MAML3: variants seen among roughly 807,000 people sequenced by gnomAD.
MAML3 encodes mastermind-like protein 3.
A neutral mutation model predicts 101.9 loss-of-function variants in MAML3; 27 were observed. The ratio of observed to expected loss-of-function variants is 0.27; its 90% CI spans 0.20 to 0.37. The LOEUF is 0.37. Among genes scored for constraint, MAML3 ranks in the 10% least tolerant of loss-of-function variants. The pLI is 1.00. For missense variants in MAML3, 1,316 were observed against 1,444.9 expected, an observed-to-expected ratio of 0.91 and a Z score of 1.45; for synonymous variants, 501 against 555.9, an observed-to-expected ratio of 0.90 and a Z score of 1.39.
intron 1 of MAML3, among the ~76,000 whole-genome samples, chr4:140,071,809 T>A (rs1727661097): frequency 6.8e-6 from 1 of 147,042 alleles, no homozygotes. Context: ...CTGCTTTATG[T>A]TCTCAGTGAC....
intron 1 of MAML3, among the ~76,000 whole-genome samples, chr4:140,140,192 C>A (rs1399397364): frequency 6.6e-6 from 1 of 152,060 alleles, no homozygotes; most frequent in East Asian, 1.9e-4. Flanking sequence ...GGCATGGTGG[C>A]ACGCACCTGT....
At chr4:139,844,851 A>G (rs1234140560) in intron 2 of MAML3, among the ~76,000 whole-genome samples, 1 of 152,262 alleles carries the variant, frequency 6.6e-6, no homozygotes, top group African/African-American at 2.4e-5. Flanking sequence ...GCTGCTGTCC[A>G]GATGCCAGAG....
intron 2 of MAML3, among the ~76,000 whole-genome samples, chr4:139,766,215 A>C (rs1266833601): frequency 1.3e-5 from 2 of 151,884 alleles, no homozygotes; most frequent in African/African-American, 4.8e-5. Context: ...TCTGTCACCC[A>C]GGCTGGAGTG....
intron 1 of MAML3, among the ~76,000 whole-genome samples, chr4:140,001,213 T>G (rs1734918736): frequency 6.6e-6 from 1 of 152,212 alleles, no homozygotes; most frequent in Non-Finnish European, 1.5e-5. Flanking sequence ...CATGAGCAGT[T>G]GCAGTTTTAG....
At chr4:139,805,613 A>G (rs1301264172) in intron 2 of MAML3, among the ~76,000 whole-genome samples, 1 of 152,240 alleles carries the variant, frequency 6.6e-6, no homozygotes, top group Non-Finnish European at 1.5e-5. Flanking sequence ...GAATGGAGAT[A>G]TAGTTCTTAT....
At chr4:140,065,329 G>A (rs1037686896) in intron 1 of MAML3, among the ~76,000 whole-genome samples, 2 of 151,444 alleles carry the variant, frequency 1.3e-5, no homozygotes, top group Middle Eastern at 3.4e-3. Context: ...GGTAGAAGCC[G>A]ATCTCTCTAG....
intron 2 of MAML3, among the ~76,000 whole-genome samples, chr4:139,834,599 G>A (rs547183769): frequency 1.3e-5 from 2 of 152,224 alleles, no homozygotes; most frequent in East Asian, 1.9e-4. Flanking sequence ...AAGTTCCAAA[G>A]TGATGCTGAT....
intron 1 of MAML3, among the ~76,000 whole-genome samples, chr4:139,938,345 G>T (rs2110735159): frequency 6.6e-6 from 1 of 152,236 alleles, no homozygotes; most frequent in East Asian, 1.9e-4. Flanking sequence ...TTACAGAAAA[G>T]GACACTAAGA....
chr4:139,886,784 T>C (rs193035913), intron 2 of MAML3, among the ~76,000 whole-genome samples: 26 of 152,346 alleles, frequency 1.7e-4, no homozygotes, highest in Non-Finnish European at 3.1e-4. Flanking sequence ...AATTACTAGA[T>C]AAAACACATT....
At chr4:139,749,629 C>T (rs1409489476) in intron 2 of MAML3, among the ~76,000 whole-genome samples, 1 of 152,172 alleles carries the variant, frequency 6.6e-6, no homozygotes, top group African/African-American at 2.4e-5. Flanking sequence ...GACATGGAGG[C>T]CACATTTGTG....
At chr4:140,147,239 G>A (rs780405586) in intron 1 of MAML3, among the ~76,000 whole-genome samples, 6 of 151,910 alleles carry the variant, frequency 3.9e-5, no homozygotes, top group East Asian at 1.9e-4. Flanking sequence ...ATGCAAGAGC[G>A]TGATTTAGTA....
chr4:139,969,638 A>G (rs1273098167), intron 1 of MAML3, among the ~76,000 whole-genome samples: 1 of 152,200 alleles, frequency 6.6e-6, no homozygotes, highest in East Asian at 1.9e-4. Context: ...TTTTATGTTA[A>G]TATTCCTTAA....
chr4:139,955,937 C>T (rs138153283), intron 1 of MAML3, among the ~76,000 whole-genome samples: 4 of 152,268 alleles, frequency 2.6e-5, no homozygotes, highest in African/African-American at 7.2e-5. Context: ...TCTTCCCCTA[C>T]GAACGTGAAT....
chr4:139,733,303 T>C (rs1728796897), intron 2 of MAML3, among the ~76,000 whole-genome samples: 1 of 152,186 alleles, frequency 6.6e-6, no homozygotes. Flanking sequence ...AGATAAAGTT[T>C]TCTTCAGCTT....
intron 1 of MAML3, among the ~76,000 whole-genome samples, chr4:140,058,586 T>G (rs1727392483): frequency 6.9e-6 from 1 of 145,220 alleles, no homozygotes. Context: ...ATATATGGCA[T>G]TATTGTTAAT....
intron 1 of MAML3, among the ~76,000 whole-genome samples, chr4:140,006,535 G>A (rs1726450205): frequency 6.8e-6 from 1 of 147,454 alleles, no homozygotes; most frequent in African/African-American, 2.5e-5. Context: ...TCAGTGAGCC[G>A]AGATGGCGCC....
intron 1 of MAML3, among the ~76,000 whole-genome samples, chr4:139,947,583 A>T (rs963279307): frequency 1.6e-4 from 24 of 152,292 alleles, no homozygotes; most frequent in Admixed American, 1.6e-3. Flanking sequence ...AAGCACCCAC[A>T]TGTCCCTAGC....
chr4:139,925,138 C>T (rs1056013940), intron 1 of MAML3, among the ~76,000 whole-genome samples: 3 of 152,100 alleles, frequency 2.0e-5, no homozygotes, highest in Non-Finnish European at 4.4e-5. Context: ...TAGAGAGGTT[C>T]CTTTTTCATT....
chr4:139,801,680 GTC>G lies in MAML3; in HGVS notation c.2080-71015_2080-71014del, dbSNP rs1471220611. Among the ~76,000 whole-genome samples the G allele has an allele frequency of 6.0e-3, 838 of 140,452 alleles. 9 individuals are homozygous for G. The highest frequency in any genetic ancestry group is 0.012 in the Middle Eastern group (3 of 250). The allele number at this position is 140,452 out of a possible 152,430, so 92.1% of individuals were successfully genotyped here. Reference sequence around the variant, plus strand: ...TGTGTGTGTGTGTGTGTGTGTGTGTGTCTGTGTGTGTGTGTCTGTCTGTGTGG... The same window carrying G: ...TGTGTGTGTGTGTGTGTGTGTGTGTGTGTGTGTGTGTGTCTGTCTGTGTGG... On this transcript the variant is annotated intron_variant, in intron 2 of 4. Transcript: ENST00000509479.
Sources: gnomAD v4.1 joint callset for allele counts (sites outside exome capture counted in the v4.1 genomes callset) on GRCh38, gnomAD v4.1.1 for gene constraint, MANE v1.5 for transcripts, NCBI Gene and HGNC (gene_info 2026-07-23, HGNC 2026-07-21) for gene names.